Variants in CCDC60 observed in about 807,000 individuals in gnomAD.
CCDC60 encodes coiled-coil domain-containing protein 60.
Under a neutral mutation model 63.5 loss-of-function variants are expected in CCDC60, and 54 were observed. The ratio of observed to expected loss-of-function variants is 0.85; its 90% CI spans 0.68 to 1.07. The LOEUF is 1.07. Ranked by LOEUF, CCDC60 falls within the 50% of genes least tolerant of loss-of-function variation. The pLI, the probability that CCDC60 is intolerant of heterozygous loss-of-function variation, is 0.00. For missense variants in CCDC60, 651 were observed against 684.3 expected, an observed-to-expected ratio of 0.95 and a Z score of 0.54; for synonymous variants, 206 against 238.8, an observed-to-expected ratio of 0.86 and a Z score of 1.27.
chr12:119,405,102 G>T (rs1012010916), intron 1 of CCDC60, among the ~76,000 whole-genome samples: 1 of 152,140 alleles, frequency 6.6e-6, no homozygotes, highest in African/African-American at 2.4e-5. Flanking sequence ...AGCAAGTTCA[G>T]CTCATTTCTC....
chr12:119,463,315 T>G (rs1458491867), intron 2 of CCDC60, among the ~76,000 whole-genome samples: 1 of 152,222 alleles, frequency 6.6e-6, no homozygotes, highest in Non-Finnish European at 1.5e-5. Context: ...TCAAGGCCCA[T>G]GCTGGTGGGA....
chr12:119,523,604 TGGGGCTAAGG>T, intron 10 of CCDC60, 79 bp from the exon 11 acceptor site: 6 of 1,574,282 alleles, frequency 3.8e-6, no homozygotes, highest in Non-Finnish European at 5.2e-6. Context: ...CAGAGCACCT[TGGGGCTAAGG>T]GGGGCCAGAG....
At chr12:119,540,575 A>T in intron 13 of CCDC60, 39 bp from the exon 14 acceptor site, 1 of 1,484,964 alleles carries the variant, frequency 6.7e-7, no homozygotes, top group Non-Finnish European at 9.4e-7. Context: ...TCTACTTTTC[A>T]GAGCAAATTC....
intron 2 of CCDC60, among the ~76,000 whole-genome samples, chr12:119,431,198 G>A (rs1950222566): frequency 6.6e-6 from 1 of 152,208 alleles, no homozygotes; most frequent in Non-Finnish European, 1.5e-5. Context: ...AATTCACGCA[G>A]AGCCGGCTGT....
intron 2 of CCDC60, among the ~76,000 whole-genome samples, chr12:119,454,061 G>T (rs1163892674): frequency 6.6e-6 from 1 of 152,114 alleles, no homozygotes; most frequent in Non-Finnish European, 1.5e-5. Flanking sequence ...AATTTTAAAG[G>T]TGAGGAAAGG....
chr12:119,510,503 G>A (rs78739395), intron 7 of CCDC60, among the ~76,000 whole-genome samples: 5,619 of 152,082 alleles, frequency 0.037, 165 homozygotes, highest in African/African-American at 0.088. Context: ...GTTGGTATTT[G>A]CTTTTATTGA....
At chr12:119,434,709 T>C (rs770792693) in intron 2 of CCDC60, among the ~76,000 whole-genome samples, 1 of 152,024 alleles carries the variant, frequency 6.6e-6, no homozygotes, top group Non-Finnish European at 1.5e-5. Context: ...CAGAGAACAA[T>C]AAATGAATGG....
intron 1 of CCDC60, among the ~76,000 whole-genome samples, chr12:119,412,184 C>T (rs1479804985): frequency 6.6e-6 from 1 of 152,180 alleles, no homozygotes; most frequent in Non-Finnish European, 1.5e-5. Context: ...AGTCAAGCTT[C>T]ATCCAGCCCC....
intron 7 of CCDC60, among the ~76,000 whole-genome samples, chr12:119,510,074 C>T (rs540622951): frequency 2.4e-4 from 36 of 152,322 alleles, no homozygotes; most frequent in Admixed American, 5.9e-4. Context: ...TAGAAAACAA[C>T]AACAGCCTCC....
At chr12:119,405,217 T>C (rs1956465771) in intron 1 of CCDC60, among the ~76,000 whole-genome samples, 1 of 152,244 alleles carries the variant, frequency 6.6e-6, no homozygotes, top group Admixed American at 6.5e-5. Context: ...CAAACAAGCC[T>C]GAACCCCAAT....
At position 119,523,710 on chromosome 12, in the gene CCDC60, T is replaced by A. The variant is rs1169617244; in HGVS notation, c.1121T>A (p.Ile374Asn). Residue 374 changes from isoleucine (I) to asparagine (N), a missense_variant, in exon 11 of 14, where the codon ATC (isoleucine) becomes AAC (asparagine). By Grantham distance (149) the Ile-to-Asn change is moderately radical. Coordinates refer to ENST00000327554, the MANE Select transcript of CCDC60 (RefSeq NM_178499.5). ...KKSKNRTNCD[I>N]NIHYKSGVCN... ...GTCCACAGCCGCACTAATTGTGACATCAACATCCACTACAAGAGTGGGGTG... is the reference window on the plus strand; with the variant it reads ...GTCCACAGCCGCACTAATTGTGACAACAACATCCACTACAAGAGTGGGGTG... 8.1e-6 allele frequency: 13 copies of A among 1,614,118 alleles called. No individual in the cohort carries two copies. The South Asian group carries it at 1.2e-4, about 15-fold the overall frequency.
chr12:119,366,496 G>T (rs554740842), intron 1 of CCDC60, among the ~76,000 whole-genome samples: 1 of 152,316 alleles, frequency 6.6e-6, no homozygotes, highest in South Asian at 2.1e-4. Flanking sequence ...GAGGAGCAAG[G>T]TGGAGATGGG....
intron 1 of CCDC60, among the ~76,000 whole-genome samples, chr12:119,340,732 T>C (rs1955523730): frequency 6.6e-6 from 1 of 152,170 alleles, no homozygotes; most frequent in Non-Finnish European, 1.5e-5. Flanking sequence ...TTCCTCCTTG[T>C]CCAAATAGAA....
intron 2 of CCDC60, among the ~76,000 whole-genome samples, chr12:119,470,008 C>A (rs756516643): frequency 4.6e-5 from 7 of 152,308 alleles, no homozygotes; most frequent in African/African-American, 7.2e-5. Context: ...CTTAAGAACC[C>A]AAGGCCCTGC....
At chr12:119,401,410 C>T (rs1485372454) in intron 1 of CCDC60, among the ~76,000 whole-genome samples, 2 of 152,206 alleles carry the variant, frequency 1.3e-5, no homozygotes, top group Admixed American at 6.5e-5. Flanking sequence ...GCACTTGCTG[C>T]GTATCAAATC....
chr12:119,366,679 G>C (rs2136171264), intron 1 of CCDC60, among the ~76,000 whole-genome samples: 1 of 152,306 alleles, frequency 6.6e-6, no homozygotes, highest in Non-Finnish European at 1.5e-5. Context: ...TGATTTAATG[G>C]ATGAGAAAAC....
chr12:119,357,966 AG>A (rs1377014771), intron 1 of CCDC60, among the ~76,000 whole-genome samples: 1 of 152,194 alleles, frequency 6.6e-6, no homozygotes, highest in Non-Finnish European at 1.5e-5. Flanking sequence ...AAAGGTGAAG[AG>A]GAAGCAGGCA....
intron 2 of CCDC60, among the ~76,000 whole-genome samples, chr12:119,446,147 T>C (rs1324068862): frequency 6.6e-6 from 1 of 152,170 alleles, no homozygotes; most frequent in Non-Finnish European, 1.5e-5. Context: ...AAATAGAGCA[T>C]TGTTTTGCAA....
chr12:119,513,992 G>C (rs150903203), intron 7 of CCDC60, among the ~76,000 whole-genome samples: 21 of 152,162 alleles, frequency 1.4e-4, no homozygotes, highest in Middle Eastern at 3.4e-3. Flanking sequence ...GATCCTTCAG[G>C]AGATATGCCA....
Sources: gnomAD v4.1 joint callset for allele counts (sites outside exome capture counted in the v4.1 genomes callset) on GRCh38, gnomAD v4.1.1 for gene constraint, MANE v1.5 for transcripts, NCBI Gene and HGNC (gene_info 2026-07-23, HGNC 2026-07-21) for gene names.